GBE1: variants seen among roughly 807,000 people sequenced by gnomAD.
GBE1 encodes the protein 1,4-alpha-glucan branching enzyme 1.
In GBE1, 70 loss-of-function variants were observed where a neutral mutation model predicts 88.8. The ratio of observed to expected loss-of-function variants is 0.79; its 90% CI spans 0.65 to 0.96. The LOEUF (loss-of-function observed/expected upper bound fraction) is 0.96. GBE1 is among the 40% of genes least tolerant of loss of function. GBE1 has a pLI of 0.00. For synonymous variants in GBE1, 284 were observed against 300.1 expected (o/e 0.95, Z 0.56); for missense variants, 872 against 871.0 (o/e 1.00, Z -0.01).
At chr3:81,583,159 A>C (rs575700225) in intron 10 of GBE1, among the ~76,000 whole-genome samples, 1 of 152,198 alleles carries the variant, frequency 6.6e-6, no homozygotes, top group African/African-American at 2.4e-5. Context: ...AAATAATAAA[A>C]CCACAATGAG....
chr3:81,671,851 G>C (rs1392414425), intron 2 of GBE1, among the ~76,000 whole-genome samples: 1 of 152,076 alleles, frequency 6.6e-6, no homozygotes, highest in South Asian at 2.1e-4. Flanking sequence ...ATAAATAGAT[G>C]AATCGATAGA....
chr3:81,723,764 C>T (rs1487323021), intron 1 of GBE1, among the ~76,000 whole-genome samples: 1 of 152,186 alleles, frequency 6.6e-6, no homozygotes, highest in Non-Finnish European at 1.5e-5. Context: ...TCCAGCTCTG[C>T]ACCCTCAAGA....
chr3:81,708,873 G>C (rs1705812811), intron 1 of GBE1, among the ~76,000 whole-genome samples: 1 of 152,122 alleles, frequency 6.6e-6, no homozygotes, highest in Non-Finnish European at 1.5e-5. Context: ...ATGGAATCTT[G>C]CCCGAAATAA....
chr3:81,601,868 T>G (rs544925559), intron 7 of GBE1, among the ~76,000 whole-genome samples: 1 of 152,198 alleles, frequency 6.6e-6, no homozygotes, highest in South Asian at 2.1e-4. Flanking sequence ...TCAATATGCA[T>G]TTCTTAACTA....
intron 2 of GBE1, among the ~76,000 whole-genome samples, chr3:81,686,648 T>C (rs900082821): frequency 2.0e-5 from 3 of 151,794 alleles, no homozygotes; most frequent in African/African-American, 7.3e-5. Context: ...CCCAGCTCTC[T>C]GGAGGCTGAG....
chr3:81,708,730 T>C (rs1047429234), intron 1 of GBE1, among the ~76,000 whole-genome samples: 1 of 152,136 alleles, frequency 6.6e-6, no homozygotes, highest in Non-Finnish European at 1.5e-5. Flanking sequence ...TATGGCACTA[T>C]TTATACTACA....
chr3:81,615,988 G>A lies in GBE1; in HGVS notation c.993-21965C>T, dbSNP rs141164061. Among the ~76,000 whole-genome samples, 1,375 of 152,202 alleles carry A rather than the reference G, an allele frequency of 9.0e-3. 11 individuals are homozygous for A. Among genetic ancestry groups the A allele is most frequent in the Non-Finnish European group, 0.014 (925 of 67,982 alleles). The stretch of plus-strand genomic sequence containing the variant: ...GATAGATATGTAGTGATATCTCATT[G>A]TAGTTTTAGTATCCATTTCCCTAAT... On this transcript the variant is annotated intron_variant, in intron 7 of 15. Coordinates refer to ENST00000429644, the MANE Select transcript of GBE1 (RefSeq NM_000158.4).
intron 8 of GBE1, 136 bp from the exon 9 acceptor site, chr3:81,591,300 A>ATAC: frequency 1.8e-6 from 1 of 567,912 alleles, no homozygotes; most frequent in Non-Finnish European, 2.9e-6. Flanking sequence ...ATCAGCAAAT[A>ATAC]TACTGACTTA....
intron 9 of GBE1, 85 bp downstream of exon 9, chr3:81,590,951 AT>A (rs1703869252): frequency 8.5e-7 from 1 of 1,178,238 alleles, no homozygotes; most frequent in East Asian, 2.6e-5. Context: ...TATTGACAAC[AT>A]GAGATTGATT....
At chr3:81,507,097 A>G (rs1055067474) in intron 14 of GBE1, among the ~76,000 whole-genome samples, 3 of 152,048 alleles carry the variant, frequency 2.0e-5, no homozygotes, top group Admixed American at 6.6e-5. Flanking sequence ...GAGAGTTCTG[A>G]TATTTTAATT....
At chr3:81,667,459 C>T (rs1705127665) in intron 3 of GBE1, among the ~76,000 whole-genome samples, 1 of 152,046 alleles carries the variant, frequency 6.6e-6, no homozygotes, top group Admixed American at 6.6e-5. Flanking sequence ...CCTGATTGCC[C>T]TGGCCAGAAG....
chr3:81,491,028 G>A (rs998467737), intron 15 of GBE1, among the ~76,000 whole-genome samples: 1 of 151,990 alleles, frequency 6.6e-6, no homozygotes, highest in Non-Finnish European at 1.5e-5. Flanking sequence ...GCCTACATCT[G>A]GTATCCCAGC....
At chr3:81,564,602 A>G (rs746612916) in intron 12 of GBE1, among the ~76,000 whole-genome samples, 4 of 152,136 alleles carry the variant, frequency 2.6e-5, no homozygotes, top group Non-Finnish European at 4.4e-5. Flanking sequence ...GTAGAAAAAA[A>G]TGTGGGTAAG....
intron 2 of GBE1, among the ~76,000 whole-genome samples, chr3:81,676,772 A>G (rs1026564445): frequency 1.3e-5 from 2 of 152,108 alleles, no homozygotes; most frequent in African/African-American, 4.8e-5. Flanking sequence ...TAGGTATTTT[A>G]TTAACAGGTT....
chr3:81,493,781 C>T (rs1324974417), intron 15 of GBE1, among the ~76,000 whole-genome samples: 1 of 151,772 alleles, frequency 6.6e-6, no homozygotes, highest in African/African-American at 2.4e-5. Flanking sequence ...GCTGTTCTGC[C>T]TGCCTCGGCA....
chr3:81,618,635 C>G (rs2107007893), intron 7 of GBE1, among the ~76,000 whole-genome samples: 1 of 152,186 alleles, frequency 6.6e-6, no homozygotes, highest in South Asian at 2.1e-4. Context: ...TTCACCTTGG[C>G]ATTTTGCTTC....
intron 1 of GBE1, among the ~76,000 whole-genome samples, chr3:81,729,871 A>T (rs561321130): frequency 6.6e-6 from 1 of 152,252 alleles, no homozygotes; most frequent in Non-Finnish European, 1.5e-5. Context: ...GCAGCCAACA[A>T]AGAGCAGGAT....
intron 2 of GBE1, among the ~76,000 whole-genome samples, chr3:81,689,054 C>T (rs1485833175): frequency 6.6e-6 from 1 of 152,102 alleles, no homozygotes. Context: ...GTGATTTCTA[C>T]ATTTATAAGA....
intron 2 of GBE1, among the ~76,000 whole-genome samples, chr3:81,693,268 A>G (rs1042350538): frequency 1.3e-5 from 2 of 152,182 alleles, no homozygotes; most frequent in Non-Finnish European, 2.9e-5. Flanking sequence ...ATCCTCAAAA[A>G]ACAGTATCCT....
Sources: gnomAD v4.1 joint callset for allele counts (sites outside exome capture counted in the v4.1 genomes callset) on GRCh38, gnomAD v4.1.1 for gene constraint, MANE v1.5 for transcripts, NCBI Gene and HGNC (gene_info 2026-07-23, HGNC 2026-07-21) for gene names.